The following TLN1 variants were observed in gnomAD, a reference collection of about 807,000 sequenced individuals.
TLN1 encodes the protein talin 1.
In TLN1, 56 loss-of-function variants were observed where a neutral mutation model predicts 292.3. That is an observed-to-expected ratio of 0.19 (90% CI 0.15 to 0.24). The LOEUF (loss-of-function observed/expected upper bound fraction) is 0.24. Among genes scored for constraint, TLN1 ranks in the 10% least tolerant of loss-of-function variants. TLN1 has a pLI of 1.00. For missense variants in TLN1, 2,433 were observed against 3,248.2 expected, an observed-to-expected ratio of 0.75 and a Z score of 6.10; for synonymous variants, 1,119 against 1,253.7, an observed-to-expected ratio of 0.89 and a Z score of 2.27.
At position 35,719,702 on chromosome 9, in the gene TLN1, C is replaced by T. The variant is rs373739755; in HGVS notation, c.1578+38G>A. 2.1e-5 allele frequency: 34 copies of T among 1,611,850 alleles called. No individual in the cohort carries two copies. In the African/African-American group the frequency reaches 2.9e-4, roughly 14 times the overall value. On this transcript the variant is annotated intron_variant, in intron 14 of 56. Coordinates refer to ENST00000314888, the MANE Select transcript of TLN1 (RefSeq NM_006289.4). The surrounding 1 kb of genome is among the most constrained non-coding windows in gnomAD (Gnocchi z 4.6). ...TCATCCCTATCCCTTGGAGTCTCAG[C>T]TTCAGTACCACCGGCCTCTCCTCCA...
rs1825523959 is a variant in TLN1 at position 35,704,348 on chromosome 9, T to C, written c.6031A>G (p.Thr2011Ala). The change falls in exon 45 of 57, where the codon ACT (threonine) becomes GCT (alanine). Residue 2011 changes from threonine (T) to alanine (A), a missense_variant. By Grantham distance (58) the Thr-to-Ala change is moderately conservative. This residue lies in a region of TLN1 where 1,384 missense variants were observed against 1,699.6 expected (regional missense o/e 0.81). Transcript: ENST00000314888. This position sits in a 1 kb window ranked among gnomAD's most constrained non-coding sequence, Gnocchi z 6.9. Reference sequence around the variant, plus strand: ...CTGTCTTACCGGTGGTCAGCGAAAGTTTCAGTACCCTCACGATTGAGCGTG... The same window carrying C: ...CTGTCTTACCGGTGGTCAGCGAAAGCTTCAGTACCCTCACGATTGAGCGTG... ...AGTLNREGTETFADHREGILK... is the reference protein window; with the variant it reads ...AGTLNREGTEAFADHREGILK... The C allele has an allele frequency of 6.2e-7, 1 of 1,613,494 alleles. No homozygotes were observed. Among genetic ancestry groups the C allele is most frequent in the Admixed American group, 1.7e-5 (1 of 59,962 alleles).
rs569058643 is a variant in TLN1 at position 35,704,384 on chromosome 9, C to T, written c.5995G>A (p.Ala1999Thr). ...TCACGATTGAGCGTGCCAGCAGTGG[C>T]GAACATGATGGTGGTGTCGAGGTCA... ...IADLDTTIMF[A>T]TAGTLNREGT... Residue 1999 changes from alanine to threonine, a missense_variant, in exon 45 of 57, where the codon GCC becomes ACC. By Grantham distance (58) the Ala-to-Thr change is moderately conservative (BLOSUM62 0). This residue lies in a region of TLN1 where 1,384 missense variants were observed against 1,699.6 expected (regional missense o/e 0.81). Transcript: ENST00000314888. The surrounding 1 kb of genome is among the most constrained non-coding windows in gnomAD (Gnocchi z 6.9). The T allele has an allele frequency of 1.9e-6, 3 of 1,614,176 alleles. No individual in the cohort carries two copies. The highest frequency in any genetic ancestry group is 2.5e-6 in the Non-Finnish European group (3 of 1,180,020).
At position 35,719,170 on chromosome 9, in the gene TLN1, G is replaced by A. The variant is rs780889633; in HGVS notation, c.1800C>T (p.Asp600=). 1.9e-6 allele frequency: 3 copies of A among 1,614,024 alleles called. No individual in the cohort carries two copies. Among genetic ancestry groups the A allele is most frequent in the South Asian group, 1.1e-5 (1 of 91,084 alleles). Residue 600 remains aspartate, a synonymous_variant, in exon 16 of 57, where the codon GAC becomes GAT. Coordinates refer to ENST00000314888, the MANE Select transcript of TLN1 (RefSeq NM_006289.4). This position sits in a 1 kb window ranked among gnomAD's most constrained non-coding sequence, Gnocchi z 4.6. ...ACAGGGGCCGACCACTGCCGCCTTCGTCCTCCAGCAAGGCAGCCAGCAGCT... is the reference window on the plus strand; with the variant it reads ...ACAGGGGCCGACCACTGCCGCCTTCATCCTCCAGCAAGGCAGCCAGCAGCT... ...GVKLLAALLE[D]EGGSGRPLLQ... is the part of the protein sequence containing the mutation.
chr9:35,697,337 T>G lies in TLN1; in HGVS notation c.*454A>C. 6.3e-6 allele frequency: 1 copy of G among 158,422 alleles called. No homozygotes were observed. The allele number at this position is 158,422 out of a possible 1,614,324, so 9.8% of individuals were successfully genotyped here. A position where few individuals can be genotyped will look rare whatever the true frequency, so the allele number is the denominator to read the frequency against. On this transcript the variant is annotated 3_prime_UTR_variant, in exon 57 of 57. Coordinates refer to ENST00000314888, the MANE Select transcript of TLN1 (RefSeq NM_006289.4). The stretch of plus-strand genomic sequence containing the variant: ...TATCTCCCTTGAAGCCAGGCAGAGG[T>G]TGTAGGTAGAATCATTTTTATTGGA...
chr9:35,716,500 C>T lies in TLN1; in HGVS notation c.2515G>A (p.Ala839Thr). The change falls in exon 20 of 57, where the codon GCC becomes ACC. Residue 839 changes from alanine (A) to threonine (T), a missense_variant. Physicochemically the swap from Ala to Thr is moderately conservative, Grantham distance 58 (BLOSUM62 0). Around this residue, in one of 7 missense-constraint regions of TLN1, gnomAD observed 617 missense variants for 770.6 expected, o/e 0.80. Transcript: ENST00000314888. ...LAQATSDLVN[A>T]IKADAEGESD... is the part of the protein sequence containing the mutation. ...TCCCCCTCAGCATCAGCCTTGATGG[C>T]ATTGACCAGGTCAGATGTGGCTTGG... is the stretch of plus-strand genomic sequence containing the variant. 1 of 1,614,206 alleles carries T rather than the reference C, an allele frequency of 6.2e-7. No individual in the cohort carries two copies. The highest frequency in any genetic ancestry group is 8.5e-7 in the Non-Finnish European group (1 of 1,180,038).
At chr9:35,723,006 G>A in intron 7 of TLN1, 85 bp from the exon 8 acceptor site, 3 of 1,129,368 alleles carry the variant, frequency 2.7e-6, no homozygotes, top group Non-Finnish European at 2.7e-6. Context: ...GGGGTATGAG[G>A]AAATACCTAG....
chr9:35,730,320 C>T (rs1826051299), intron 1 of TLN1, among the ~76,000 whole-genome samples: 1 of 151,994 alleles, frequency 6.6e-6, no homozygotes, highest in African/African-American at 2.4e-5. Context: ...TGGTCAGTGG[C>T]AGGGTCAGGC....
chr9:35,721,542 T>C (rs1473045813), intron 10 of TLN1, 106 bp downstream of exon 10: 2 of 1,277,458 alleles, frequency 1.6e-6, no homozygotes, highest in African/African-American at 3.0e-5. Context: ...CCTTTTTTTC[T>C]GGAGTAATAC....
intron 7 of TLN1, 57 bp downstream of exon 7, chr9:35,723,895 G>C (rs903321143): frequency 6.2e-7 from 1 of 1,601,472 alleles, no homozygotes; most frequent in African/African-American, 1.3e-5. Flanking sequence ...GGCCCACTGG[G>C]GTCACAATGG....
rs1375805468 is a variant in TLN1 at position 35,723,804 on chromosome 9, C to A, written c.782+148G>T. On this transcript the variant is annotated intron_variant, in intron 7 of 56. Transcript: ENST00000314888. ...GCAGAGAAGAGACAATGGATGATGGCAACTAAAAGGGTAGCTATGTTGGTC... is the reference window on the plus strand; with the variant it reads ...GCAGAGAAGAGACAATGGATGATGGAAACTAAAAGGGTAGCTATGTTGGTC... 6 of 1,185,166 alleles carry A rather than the reference C, an allele frequency of 5.1e-6. No individual in the cohort carries two copies. The East Asian group carries it at 1.4e-4, about 28-fold the overall frequency. 73.4% of individuals were successfully genotyped at this position (1,185,166 alleles called of 1,614,324 possible). A position where few individuals can be genotyped will look rare whatever the true frequency, so the allele number is the denominator to read the frequency against.
rs774716881 is a variant in TLN1, at chr9:35,717,425, T to C, written c.2179A>G (p.Ile727Val). 1.4e-5 allele frequency: 23 copies of C among 1,612,898 alleles called. No homozygotes were observed. In the Admixed American group the frequency reaches 2.2e-4, roughly 15 times the overall value. ...VACTKVVAPT[I>V]SSPVCQEQLV... Reference sequence around the variant, plus strand: ...TGCTCTTGGCAGACAGGTGAGCTGATTGTAGGTGCCACCACCTGTAGGTAA... The same window carrying C: ...TGCTCTTGGCAGACAGGTGAGCTGACTGTAGGTGCCACCACCTGTAGGTAA... The change falls in exon 19 of 57, where the codon ATC (isoleucine) becomes GTC (valine). Residue 727 changes from isoleucine (I) to valine (V), a missense_variant. By Grantham distance (29) the Ile-to-Val change is conservative. This residue lies in a region of TLN1 where 617 missense variants were observed against 770.6 expected (regional missense o/e 0.80). Coordinates refer to ENST00000314888, the MANE Select transcript of TLN1 (RefSeq NM_006289.4). The surrounding 1 kb of genome is among the most constrained non-coding windows in gnomAD (Gnocchi z 4.7).
At chr9:35,715,326 A>G in intron 20 of TLN1, 139 bp from the exon 21 acceptor site, 1 of 1,234,790 alleles carries the variant, frequency 8.1e-7, no homozygotes, top group South Asian at 1.6e-5. Flanking sequence ...CCAAAAGGCA[A>G]TCACCTTTGA....
In TLN1 at chr9:35,706,434, G is replaced by A; in HGVS notation, c.5190+16C>T. The A allele has an allele frequency of 6.2e-7, 1 of 1,614,118 alleles. No homozygotes were observed. Among genetic ancestry groups the A allele is most frequent in the Non-Finnish European group, 8.5e-7 (1 of 1,179,998 alleles). On this transcript the variant is annotated intron_variant, in intron 39 of 56. Transcript: ENST00000314888. The surrounding 1 kb of genome is among the most constrained non-coding windows in gnomAD (Gnocchi z 4.2). ...CACCCTACTCCCTGGGACTTCCCAT[G>A]AGTCTCCATAGGTACCTTGTGTCCC...
At position 35,724,448 on chromosome 9, in the gene TLN1, G is replaced by A; in HGVS notation, c.512-114C>T. The A allele has an allele frequency of 1.9e-6, 3 of 1,557,288 alleles. No individual in the cohort carries two copies. The highest frequency in any genetic ancestry group is 2.6e-6 in the Non-Finnish European group (3 of 1,142,494). ...TCACTTAAATGTAAGTCCCATGAGT[G>A]TAGGACTTTGTTTTCTCACTGATGT... On this transcript the variant is annotated intron_variant, in intron 5 of 56. Coordinates refer to ENST00000314888, the MANE Select transcript of TLN1 (RefSeq NM_006289.4). The surrounding 1 kb of genome is among the most constrained non-coding windows in gnomAD (Gnocchi z 4.7).
chr9:35,702,954 G>GA (rs1206355473), intron 48 of TLN1, among the ~76,000 whole-genome samples: 1 of 152,160 alleles, frequency 6.6e-6, no homozygotes, highest in African/African-American at 2.4e-5. Context: ...GGAGGGTGGT[G>GA]AAAAAATACA....
intron 1 of TLN1, among the ~76,000 whole-genome samples, chr9:35,731,716 C>T (rs931053748): frequency 3.9e-5 from 6 of 152,164 alleles, no homozygotes; most frequent in African/African-American, 1.2e-4. Context: ...GCTTTTAACT[C>T]CTATAGCGAC....
rs772787562 is a variant in TLN1, at chr9:35,707,115, G to A, written c.4912C>T (p.Arg1638Cys). The A allele has an allele frequency of 1.7e-5, 28 of 1,612,592 alleles. No homozygotes were observed. The South Asian group carries it at 2.2e-4, about 13-fold the overall frequency. Residue 1638 changes from arginine to cysteine, a missense_variant, in exon 37 of 57, where the codon CGT (arginine) becomes TGT (cysteine). Coordinates refer to ENST00000314888, the MANE Select transcript of TLN1 (RefSeq NM_006289.4). The surrounding 1 kb of genome is among the most constrained non-coding windows in gnomAD (Gnocchi z 5.6). ...TTCTTGATGGAGTCTGAGACAGTAC[G>A]GGAGTGGCCGGCCAGCACCGACCAG... ...PSWSVLAGHSRTVSDSIKKLI... is the reference protein window; with the variant it reads ...PSWSVLAGHSCTVSDSIKKLI...
chr9:35,723,832 A>C, intron 7 of TLN1, 120 bp downstream of exon 7: 1 of 1,497,214 alleles, frequency 6.7e-7, no homozygotes, highest in Non-Finnish European at 9.1e-7. Flanking sequence ...TGTTGGTCAA[A>C]CCCTGGTACC....
chr9:35,725,219 C>G lies in TLN1; in HGVS notation c.228+5G>C. The G allele has an allele frequency of 6.2e-7, 1 of 1,614,060 alleles. No homozygotes were observed. Among genetic ancestry groups the G allele is most frequent in the Non-Finnish European group, 8.5e-7 (1 of 1,179,958 alleles). ...TGTGGTGGTCCTTGATGAAAGGATA[C>G]TTACCCCATTTCGGAGCATGTAGTA... On this transcript the variant is annotated splice_donor_5th_base_variant and intron_variant, in intron 3 of 56. Transcript: ENST00000314888.
Sources: gnomAD v4.1 joint callset for allele counts (sites outside exome capture counted in the v4.1 genomes callset) on GRCh38, gnomAD v4.1.1 for gene constraint, gnomAD v4.1.1 regional missense constraint, Gnocchi (gnomAD v3.1) non-coding constraint, MANE v1.5 for transcripts, NCBI Gene and HGNC (gene_info 2026-07-23, HGNC 2026-07-21) for gene names.